Variants in DIP2C observed in about 807,000 individuals in gnomAD.
DIP2C encodes disco-interacting protein 2 homolog C.
In DIP2C, 33 loss-of-function variants were observed where a neutral mutation model predicts 192.4. The observed-to-expected ratio is 0.17, with a 90% confidence interval of 0.13 to 0.23. The LOEUF is 0.23. Among genes scored for constraint, DIP2C ranks in the 10% least tolerant of loss-of-function variants. DIP2C has a pLI of 1.00. For missense variants in DIP2C, 1,537 were observed against 2,110.1 expected, an observed-to-expected ratio of 0.73 and a Z score of 5.32; for synonymous variants, 979 against 864.1, an observed-to-expected ratio of 1.13 and a Z score of -2.33.
At chr10:679,303 G>A (rs149499148) in intron 1 of DIP2C, among the ~76,000 whole-genome samples, 1 of 5,494 alleles carries the variant, frequency 1.8e-4, no homozygotes, top group African/African-American at 3.2e-4. Flanking sequence ...TGCTCCCCAC[G>A]CCCAGGCTCC....
intron 1 of DIP2C, among the ~76,000 whole-genome samples, chr10:548,072 C>T (rs906281493): frequency 2.6e-5 from 4 of 152,200 alleles, no homozygotes; most frequent in African/African-American, 9.7e-5. Context: ...TGTGTTGCCT[C>T]ATTGGCTGTG....
At chr10:321,282 C>T (rs751090626) in intron 31 of DIP2C, among the ~76,000 whole-genome samples, 25 of 152,202 alleles carry the variant, frequency 1.6e-4, no homozygotes, top group Non-Finnish European at 2.6e-4. Context: ...TCAGGAGCAC[C>T]GGTGAGGCCT....
chr10:444,053 G>A (rs61837238), intron 3 of DIP2C, among the ~76,000 whole-genome samples: 24,207 of 152,098 alleles, frequency 0.16, 4,982 homozygotes, highest in African/African-American at 0.48. Flanking sequence ...GACAGCCACT[G>A]TTCATTCATG....
intron 32 of DIP2C, among the ~76,000 whole-genome samples, chr10:303,508 TA>T (rs1262398019): frequency 1.3e-5 from 2 of 152,026 alleles, no homozygotes; most frequent in East Asian, 3.8e-4. Context: ...AGTTTTCTAT[TA>T]AAAGTTTTTT....
intron 3 of DIP2C, among the ~76,000 whole-genome samples, chr10:445,888 A>G (rs1358991890): frequency 6.7e-6 from 1 of 148,912 alleles, no homozygotes; most frequent in Non-Finnish European, 1.5e-5. Flanking sequence ...AGAAGAGTCT[A>G]TCTTGCACTG....
intron 3 of DIP2C, among the ~76,000 whole-genome samples, chr10:471,635 C>T (rs778791810): frequency 6.6e-6 from 1 of 152,170 alleles, no homozygotes; most frequent in African/African-American, 2.4e-5. Context: ...CTACCCTCAC[C>T]GGTGCCCTGG....
intron 1 of DIP2C, among the ~76,000 whole-genome samples, chr10:644,437 G>A (rs911908656): frequency 1.3e-5 from 2 of 152,266 alleles, no homozygotes; most frequent in Non-Finnish European, 2.9e-5. Flanking sequence ...AGAAGGAAAC[G>A]ATCCCATCAC....
chr10:365,622 C>T (rs904058367), intron 19 of DIP2C, among the ~76,000 whole-genome samples: 6 of 152,216 alleles, frequency 3.9e-5, no homozygotes, highest in African/African-American at 1.4e-4. Flanking sequence ...TGTTGTGCTA[C>T]TTCTAAGGCC....
chr10:283,355 C>G lies in DIP2C; in HGVS notation c.4211G>C (p.Ser1404Thr). Residue 1404 changes from serine to threonine, a missense_variant, in exon 35 of 37, where the codon AGT becomes ACT. Physicochemically the swap from Ser to Thr is moderately conservative, Grantham distance 58. Around this residue, in one of 4 missense-constraint regions of DIP2C, gnomAD observed 341 missense variants for 551.7 expected, o/e 0.62. Coordinates refer to ENST00000280886, the MANE Select transcript of DIP2C (RefSeq NM_014974.3). Reference sequence around the variant, plus strand: ...CCAGATGGTCTGGGTGTCTCCAAAACTTAGTCTTGAGTTGAAGTGATCTGA... The same window carrying G: ...CCAGATGGTCTGGGTGTCTCCAAAAGTTAGTCTTGAGTTGAAGTGATCTGA... ...LQSDHFNSRLSFGDTQTIWAR... is the reference protein window; with the variant it reads ...LQSDHFNSRLTFGDTQTIWAR... The G allele has an allele frequency of 6.2e-7, 1 of 1,614,214 alleles. No individual in the cohort carries two copies. The highest frequency in any genetic ancestry group is 8.5e-7 in the Non-Finnish European group (1 of 1,180,046).
chr10:281,422 A>G (rs1443246629), intron 35 of DIP2C, 99 bp from the exon 36 acceptor site: 3 of 1,461,414 alleles, frequency 2.1e-6, no homozygotes, highest in Admixed American at 4.6e-5. Context: ...CCCAAGTGAG[A>G]CAGGGATGCA....
chr10:410,063 A>C (rs1310289329), intron 8 of DIP2C, among the ~76,000 whole-genome samples: 3 of 152,210 alleles, frequency 2.0e-5, no homozygotes, highest in South Asian at 2.1e-4. Context: ...TCCAAACACT[A>C]AATCAGATTT....
intron 1 of DIP2C, among the ~76,000 whole-genome samples, chr10:678,344 G>A (rs1830944446): frequency 6.6e-6 from 1 of 152,164 alleles, no homozygotes; most frequent in Non-Finnish European, 1.5e-5. Context: ...CCACCAGGAA[G>A]AGAGAAGTCC....
intron 1 of DIP2C, among the ~76,000 whole-genome samples, chr10:604,769 A>G (rs1852347612): frequency 1.3e-5 from 2 of 152,222 alleles, no homozygotes; most frequent in African/African-American, 4.8e-5. Context: ...CAAATGTTTA[A>G]TTTAGGGGGT....
At chr10:284,054 A>G (rs547803854) in intron 34 of DIP2C, among the ~76,000 whole-genome samples, 2 of 152,234 alleles carry the variant, frequency 1.3e-5, no homozygotes, top group Non-Finnish European at 2.9e-5. Flanking sequence ...AGGGCTGGGT[A>G]AAAGCAAAAC....
intron 6 of DIP2C, among the ~76,000 whole-genome samples, chr10:416,732 G>A (rs1363033347): frequency 2.0e-5 from 3 of 152,148 alleles, no homozygotes; most frequent in Non-Finnish European, 2.9e-5. Flanking sequence ...ACAAGACAGA[G>A]GACCAAGACG....
intron 1 of DIP2C, among the ~76,000 whole-genome samples, chr10:635,629 C>T (rs1406070687): frequency 1.3e-5 from 2 of 152,200 alleles, no homozygotes; most frequent in Non-Finnish European, 2.9e-5. Context: ...AGCAGGAGGC[C>T]GTGGCCAGCC....
At chr10:643,351 A>C (rs867080392) in intron 1 of DIP2C, among the ~76,000 whole-genome samples, 27 of 152,212 alleles carry the variant, frequency 1.8e-4, no homozygotes, top group Middle Eastern at 3.4e-3. Context: ...GTCTCTACTA[A>C]AAATACAAAA....
intron 1 of DIP2C, among the ~76,000 whole-genome samples, chr10:556,130 C>G (rs1168687047): frequency 1.4e-5 from 2 of 141,080 alleles, no homozygotes; most frequent in Non-Finnish European, 1.5e-5. Flanking sequence ...ACCACCCACC[C>G]CCTTCCACAG....
At chr10:341,528 C>T (rs1958148252) in intron 28 of DIP2C, among the ~76,000 whole-genome samples, 199 bp from the exon 29 acceptor site, 2 of 149,556 alleles carry the variant, frequency 1.3e-5, no homozygotes, top group African/African-American at 5.0e-5. Flanking sequence ...AAACCCGGGA[C>T]AATACGGGGC....
Sources: gnomAD v4.1 joint callset for allele counts (sites outside exome capture counted in the v4.1 genomes callset) on GRCh38, gnomAD v4.1.1 for gene constraint, gnomAD v4.1.1 regional missense constraint, MANE v1.5 for transcripts, NCBI Gene and HGNC (gene_info 2026-07-23, HGNC 2026-07-21) for gene names.